Variants in SV2B observed in about 807,000 individuals in gnomAD.
The protein encoded by SV2B is synaptic vesicle glycoprotein 2B.
SV2B carries 41 observed loss-of-function variants against 73.9 expected under a neutral mutation model. The ratio of observed to expected loss-of-function variants is 0.56; its 90% CI spans 0.43 to 0.72. SV2B has a LOEUF of 0.72. Ranked by LOEUF, SV2B falls within the 30% of genes least tolerant of loss-of-function variation. SV2B has a pLI of 0.00. For synonymous variants in SV2B, 314 were observed against 314.2 expected (o/e 1.00, Z 0.01); for missense variants, 764 against 857.8 (o/e 0.89, Z 1.37).
chr15:91,251,846 C>A lies in SV2B; in HGVS notation c.479C>A (p.Ala160Glu). The A allele has an allele frequency of 2.5e-6, 4 of 1,614,090 alleles. No individual in the cohort carries two copies. The highest frequency in any genetic ancestry group is 3.4e-6 in the Non-Finnish European group (4 of 1,179,996). Residue 160 changes from alanine to glutamate, a missense_variant, in exon 3 of 13, where the codon GCG becomes GAG. Coordinates refer to ENST00000394232, the MANE Select transcript of SV2B (RefSeq NM_001323032.3). ...LGMIVYLGMMAGAFILGGLAD... is the reference protein window; with the variant it reads ...LGMIVYLGMMEGAFILGGLAD... ...ATGATAGTCTACTTGGGAATGATGG[C>A]GGGCGCCTTCATCCTGGGAGGCCTG...
rs1596743579 is a variant in SV2B at position 91,268,738 on chromosome 15, A to G, written c.1373+133A>G. On this transcript the variant is annotated intron_variant, in intron 9 of 12. Coordinates refer to ENST00000394232, the MANE Select transcript of SV2B (RefSeq NM_001323032.3). This position sits in a 1 kb window ranked among gnomAD's most constrained non-coding sequence, Gnocchi z 4.4. ...CGCCAAGGCTGGTGTCATCATCACA[A>G]CCTGTCATGGCTGCCAGTGACGCCA... 3 of 1,196,662 alleles carry G rather than the reference A, an allele frequency of 2.5e-6. No homozygotes were observed. The highest frequency in any genetic ancestry group is 3.4e-6 in the Non-Finnish European group (3 of 875,282). The allele number at this position is 1,196,662 out of a possible 1,614,324, so 74.1% of individuals were successfully genotyped here.
Position 91,283,845 on chromosome 15 carries a change from C to T in SV2B, c.1508-176C>T, listed in dbSNP as rs568823356. On this transcript the variant is annotated intron_variant, in intron 10 of 12. Coordinates refer to ENST00000394232, the MANE Select transcript of SV2B (RefSeq NM_001323032.3). This position sits in a 1 kb window ranked among gnomAD's most constrained non-coding sequence, Gnocchi z 4.3. ...GGTCATTACATTTTTGGAAGTTTCT[C>T]TCCTCATCCATACCTTGATGACATG... 4.8e-5 allele frequency among the ~76,000 whole-genome samples: 6 copies of T among 124,620 alleles called. No individual in the cohort carries two copies. The highest frequency in any genetic ancestry group is 2.2e-4 in the African/African-American group (6 of 27,646). The allele number at this position is 124,620 out of a possible 152,430, so 81.8% of individuals were successfully genotyped here.
At position 91,141,694 on chromosome 15, in the gene SV2B, T is replaced by C. The variant is rs2043000162; in HGVS notation, c.-392+41331T>C. On this transcript the variant is annotated intron_variant, in intron 1 of 12. Transcript: ENST00000394232. This position sits in a 1 kb window ranked among gnomAD's most constrained non-coding sequence, Gnocchi z 4.6. The stretch of plus-strand genomic sequence containing the variant: ...ATAAATCATTCATATTATTATTTTT[T>C]TCCTAAGGGTTCAAGCCAATAGAGT... 6.6e-6 allele frequency among the ~76,000 whole-genome samples: 1 copy of C among 152,188 alleles called. No homozygotes were observed. Among genetic ancestry groups the C allele is most frequent in the African/African-American group, 2.4e-5 (1 of 41,448 alleles).
chr15:91,204,553 CTTCTTTTTTT>C (rs1270868493), intron 1 of SV2B, among the ~76,000 whole-genome samples: 1 of 143,948 alleles, frequency 6.9e-6, no homozygotes, highest in African/African-American at 2.6e-5. Context: ...TCTTCTTCTT[CTTCTTTTTTT>C]TTTTTTTTTT....
intron 1 of SV2B, among the ~76,000 whole-genome samples, chr15:91,168,748 A>C (rs1203507721): frequency 6.6e-6 from 1 of 152,120 alleles, no homozygotes; most frequent in African/African-American, 2.4e-5. Context: ...GCTATTACTT[A>C]TTTTTTAGAA....
At position 91,240,886 on chromosome 15, in the gene SV2B, T is replaced by C. The variant is rs2046984519; in HGVS notation, c.452-10933T>C. ...TTGGCCCCGTCACAGCCTCCACTCT[T>C]GTACCATTGCTCTTTCTTGCTCCCC... On this transcript the variant is annotated intron_variant, in intron 2 of 12. Coordinates refer to ENST00000394232, the MANE Select transcript of SV2B (RefSeq NM_001323032.3). The surrounding 1 kb of genome is among the most constrained non-coding windows in gnomAD (Gnocchi z 4.6). 6.6e-6 allele frequency among the ~76,000 whole-genome samples: 1 copy of C among 152,190 alleles called. No homozygotes were observed. Among genetic ancestry groups the C allele is most frequent in the Non-Finnish European group, 1.5e-5 (1 of 68,026 alleles).
At position 91,265,090 on chromosome 15, in the gene SV2B, C is replaced by T. The variant is rs541093086; in HGVS notation, c.1009-1492C>T. 6.6e-5 allele frequency among the ~76,000 whole-genome samples: 10 copies of T among 152,120 alleles called. No homozygotes were observed. Among genetic ancestry groups the T allele is most frequent in the Non-Finnish European group, 1.2e-4 (8 of 68,022 alleles). ...CCAGCCTGTGGTTGGCGGTCAGGGGCGGGTACTCAGCCCAGCTTGAAGGTG... is the reference window on the plus strand; with the variant it reads ...CCAGCCTGTGGTTGGCGGTCAGGGGTGGGTACTCAGCCCAGCTTGAAGGTG... On this transcript the variant is annotated intron_variant, in intron 6 of 12. Transcript: ENST00000394232. This position sits in a 1 kb window ranked among gnomAD's most constrained non-coding sequence, Gnocchi z 4.2.
chr15:91,233,274 G>T (rs917458146), intron 2 of SV2B, among the ~76,000 whole-genome samples: 1 of 152,138 alleles, frequency 6.6e-6, no homozygotes, highest in Non-Finnish European at 1.5e-5. Flanking sequence ...CTGGGTGACC[G>T]AGTACATGAT....
chr15:91,267,412 T>C lies in SV2B; in HGVS notation c.1120-143T>C. The stretch of plus-strand genomic sequence containing the variant: ...TTCCTTGTTATTTGGACAGTTTTGC[T>C]GCCTCTAGGAGACAGTGGGGTACCG... On this transcript the variant is annotated intron_variant, in intron 7 of 12. Transcript: ENST00000394232. The surrounding 1 kb of genome is among the most constrained non-coding windows in gnomAD (Gnocchi z 4.3). 1 of 654,354 alleles carries C rather than the reference T, an allele frequency of 1.5e-6. No homozygotes were observed. The highest frequency in any genetic ancestry group is 2.1e-5 in the South Asian group (1 of 48,754). 40.5% of individuals were successfully genotyped at this position (654,354 alleles called of 1,614,324 possible). A position where few individuals can be genotyped will look rare whatever the true frequency, so the allele number is the denominator to read the frequency against.
chr15:91,281,739 T>C lies in SV2B; in HGVS notation c.1385T>C (p.Met462Thr). ...ACCTCTTCCCACAGGTTCACAAGAA[T>C]GTACTTTAAACATGTACTCTTTGAG... ...GKLVNDKFTR[M>T]YFKHVLFEDT... Residue 462 changes from methionine (M) to threonine (T), a missense_variant, in exon 10 of 13, where the codon ATG becomes ACG. Met to Thr is a moderately conservative substitution (Grantham distance 81). Transcript: ENST00000394232. This position sits in a 1 kb window ranked among gnomAD's most constrained non-coding sequence, Gnocchi z 4.7. 1.2e-6 allele frequency: 2 copies of C among 1,605,528 alleles called. No homozygotes were observed. The highest frequency in any genetic ancestry group is 1.7e-6 in the Non-Finnish European group (2 of 1,174,006).
intron 11 of SV2B, among the ~76,000 whole-genome samples, chr15:91,287,875 A>G (rs1244507340): frequency 1.3e-5 from 2 of 152,178 alleles, no homozygotes; most frequent in Non-Finnish European, 2.9e-5. Context: ...TGTGAGGACA[A>G]GGGGGGATAA....
Position 91,227,781 on chromosome 15 carries a change from G to C in SV2B, c.451+1067G>C, listed in dbSNP as rs2046432063. ...ATTAACAAACACAGAGAATTATTTG[G>C]TTACTGTAGGGACAGTCTCTATGAA... On this transcript the variant is annotated intron_variant, in intron 2 of 12. Transcript: ENST00000394232. This position sits in a 1 kb window ranked among gnomAD's most constrained non-coding sequence, Gnocchi z 4.5. Among the ~76,000 whole-genome samples the C allele has an allele frequency of 6.6e-6, 1 of 152,306 alleles. No homozygotes were observed. The highest frequency in any genetic ancestry group is 6.5e-5 in the Admixed American group (1 of 15,304).
intron 2 of SV2B, among the ~76,000 whole-genome samples, chr15:91,230,251 A>C (rs574589461): frequency 6.6e-6 from 1 of 151,742 alleles, no homozygotes; most frequent in South Asian, 2.1e-4. Context: ...ATTTAAAAAA[A>C]AAAAAAAAAA....
chr15:91,226,855 A>T (rs2046400704), intron 2 of SV2B, 141 bp downstream of exon 2: 1 of 1,067,540 alleles, frequency 9.4e-7, no homozygotes, highest in Non-Finnish European at 1.3e-6. Flanking sequence ...TAGAGAAATC[A>T]ATTGATTGAC....
rs190673284 is a variant in SV2B, at chr15:91,106,816, A to G, written c.-392+6453A>G. ...AAAGGGGAGAATTTTATTTAAATCA[A>G]TTTATGCCGAGTGTCACCAGCTTGC... is the stretch of plus-strand genomic sequence containing the variant. On this transcript the variant is annotated intron_variant, in intron 1 of 12. Coordinates refer to ENST00000394232, the MANE Select transcript of SV2B (RefSeq NM_001323032.3). This position sits in a 1 kb window ranked among gnomAD's most constrained non-coding sequence, Gnocchi z 4.4. Among the ~76,000 whole-genome samples the G allele has an allele frequency of 1.3e-5, 2 of 152,348 alleles. No homozygotes were observed. The highest frequency in any genetic ancestry group is 4.8e-5 in the African/African-American group (2 of 41,582).
At position 91,284,846 on chromosome 15, in the gene SV2B, A is replaced by C. The variant is rs142443797; in HGVS notation, c.1708+625A>C. Among the ~76,000 whole-genome samples, 1 of 152,204 alleles carries C rather than the reference A, an allele frequency of 6.6e-6. No individual in the cohort carries two copies. Among genetic ancestry groups the C allele is most frequent in the Admixed American group, 6.5e-5 (1 of 15,280 alleles). On this transcript the variant is annotated intron_variant, in intron 11 of 12. Transcript: ENST00000394232. This position sits in a 1 kb window ranked among gnomAD's most constrained non-coding sequence, Gnocchi z 4.5. The stretch of plus-strand genomic sequence containing the variant: ...GTTCTCAAAAATGGTAGCTATATTC[A>C]TGTATGCCTTGCCTCATTCCATCGG...
At chr15:91,199,562 G>A (rs1370109424) in intron 1 of SV2B, among the ~76,000 whole-genome samples, 1 of 152,206 alleles carries the variant, frequency 6.6e-6, no homozygotes, top group African/African-American at 2.4e-5. Flanking sequence ...GGGCATCTTG[G>A]GGCAGGGCAA....
chr15:91,244,673 A>G (rs1367638423), intron 2 of SV2B, among the ~76,000 whole-genome samples: 2 of 152,190 alleles, frequency 1.3e-5, no homozygotes, highest in African/African-American at 2.4e-5. Context: ...GGATTCCCAT[A>G]TATGTTAAAA....
rs1287353890 is a variant in SV2B, at chr15:91,240,143, G to C, written c.452-11676G>C. Among the ~76,000 whole-genome samples, 1 of 152,226 alleles carries C rather than the reference G, an allele frequency of 6.6e-6. No individual in the cohort carries two copies. Among genetic ancestry groups the C allele is most frequent in the Non-Finnish European group, 1.5e-5 (1 of 68,044 alleles). ...AGGGCTGTTGGGAACATGACCAACA[G>C]AGTCTATTGCAGGCACAAGGTTTTT... On this transcript the variant is annotated intron_variant, in intron 2 of 12. Coordinates refer to ENST00000394232, the MANE Select transcript of SV2B (RefSeq NM_001323032.3). This position sits in a 1 kb window ranked among gnomAD's most constrained non-coding sequence, Gnocchi z 4.6.
Sources: gnomAD v4.1 joint callset for allele counts (sites outside exome capture counted in the v4.1 genomes callset) on GRCh38, gnomAD v4.1.1 for gene constraint, Gnocchi (gnomAD v3.1) non-coding constraint, MANE v1.5 for transcripts, NCBI Gene and HGNC (gene_info 2026-07-23, HGNC 2026-07-21) for gene names.